Variants in NELL2 observed in about 807,000 individuals in gnomAD.
The protein encoded by NELL2 is neural EGFL like 2, also known as protein kinase C-binding protein NELL2.
In NELL2, 41 loss-of-function variants were observed where a neutral mutation model predicts 109.6. That is an observed-to-expected ratio of 0.37 (90% confidence interval 0.29 to 0.49). The LOEUF (loss-of-function observed/expected upper bound fraction) is 0.49, where lower values mean the gene tolerates loss of function less well. Ranked by LOEUF, NELL2 falls within the 20% of genes least tolerant of loss-of-function variation. The probability of loss-of-function intolerance (pLI) is 0.98; values close to 1 mark genes in which losing one functional copy is unlikely to be tolerated. For synonymous variants in NELL2, 355 were observed against 344.7 expected, an observed-to-expected ratio of 1.03 and a Z score of -0.33; for missense variants, 900 against 1,008.3, an observed-to-expected ratio of 0.89 and a Z score of 1.45.
chr12:44,625,660 G>A (rs975078265), intron 13 of NELL2, among the ~76,000 whole-genome samples: 2 of 151,996 alleles, frequency 1.3e-5, no homozygotes, highest in African/African-American at 4.8e-5. Flanking sequence ...GTTCTAAGAA[G>A]CTCCTGACCT....
At chr12:44,754,064 T>C (rs527642076) in intron 9 of NELL2, among the ~76,000 whole-genome samples, 2 of 152,318 alleles carry the variant, frequency 1.3e-5, no homozygotes, top group South Asian at 2.1e-4. Context: ...ATTAAAATGG[T>C]ATCAAGTGAA....
In NELL2 at chr12:44,665,607, T is replaced by C. The variant is rs531885486; in HGVS notation, c.1321A>G (p.Ile441Val). The change falls in exon 13 of 20, where the codon ATC becomes GTC. Residue 441 changes from isoleucine to valine, a missense_variant and splice_region_variant. By Grantham distance (29) the Ile-to-Val change is conservative (BLOSUM62 3). Coordinates refer to ENST00000429094, the MANE Select transcript of NELL2 (RefSeq NM_001145108.2). ...TGGCGCCCTTCAGCACACTCATCGATGTCTGTGAAGAAAAACAGGACAAAG... is the reference window on the plus strand; with the variant it reads ...TGGCGCCCTTCAGCACACTCATCGACGTCTGTGAAGAAAAACAGGACAAAG... ...LREDNAYCED[I>V]DECAEGRHYC... 9 of 1,611,992 alleles carry C rather than the reference T, an allele frequency of 5.6e-6. No individual in the cohort carries two copies. Among genetic ancestry groups the C allele is most frequent in the East Asian group, 4.5e-5 (2 of 44,850 alleles).
chr12:44,680,416 T>G (rs1948458233), intron 12 of NELL2, among the ~76,000 whole-genome samples: 1 of 152,188 alleles, frequency 6.6e-6, no homozygotes, highest in African/African-American at 2.4e-5. Flanking sequence ...TATGAACAAT[T>G]TTTTAAAAAT....
chr12:44,861,917 T>C (rs940802305), intron 2 of NELL2, among the ~76,000 whole-genome samples: 7 of 152,236 alleles, frequency 4.6e-5, no homozygotes, highest in African/African-American at 1.7e-4. Flanking sequence ...AATAAGTCCC[T>C]ACTCCTTCAA....
At chr12:44,596,338 C>T (rs181195950) in intron 15 of NELL2, among the ~76,000 whole-genome samples, 163 of 152,154 alleles carry the variant, frequency 1.1e-3, no homozygotes, top group Non-Finnish European at 2.0e-3. Context: ...ACAGAAAGAG[C>T]GTGGAAAATT....
At chr12:44,598,854 T>TACACAC (rs754118280) in intron 15 of NELL2, among the ~76,000 whole-genome samples, 4,418 of 118,220 alleles carry the variant, frequency 0.037, 102 homozygotes, top group African/African-American at 0.061. Context: ...AAGAAAGAAA[T>TACACAC]ACACACACAC....
At chr12:44,844,003 C>G (rs1010738890) in intron 2 of NELL2, among the ~76,000 whole-genome samples, 1 of 152,098 alleles carries the variant, frequency 6.6e-6, no homozygotes, top group Non-Finnish European at 1.5e-5. Context: ...GCCTGGGTGA[C>G]AGAGTGAGAC....
chr12:44,771,087 G>C (rs1941528777), intron 9 of NELL2, among the ~76,000 whole-genome samples: 2 of 151,822 alleles, frequency 1.3e-5, no homozygotes, highest in South Asian at 4.2e-4. Flanking sequence ...TCAGAGTTAA[G>C]GTCACCTAAA....
intron 13 of NELL2, among the ~76,000 whole-genome samples, chr12:44,635,696 A>G (rs1946613229): frequency 6.6e-6 from 1 of 152,198 alleles, no homozygotes; most frequent in Admixed American, 6.5e-5. Flanking sequence ...GACTTGTAGC[A>G]TAGTTTGAAG....
intron 19 of NELL2, among the ~76,000 whole-genome samples, chr12:44,512,887 T>C (rs1941063525): frequency 1.3e-5 from 2 of 152,076 alleles, no homozygotes; most frequent in East Asian, 1.9e-4. Flanking sequence ...GAATAAGTTC[T>C]AGTGTTCTAT....
chr12:44,670,100 A>C (rs1004677608), intron 12 of NELL2, among the ~76,000 whole-genome samples: 2 of 152,186 alleles, frequency 1.3e-5, no homozygotes, highest in Non-Finnish European at 1.5e-5. Flanking sequence ...CTGAAAGAGA[A>C]AAACAACAAC....
intron 15 of NELL2, among the ~76,000 whole-genome samples, chr12:44,605,497 A>G (rs1311340485): frequency 2.0e-5 from 3 of 152,186 alleles, no homozygotes; most frequent in Non-Finnish European, 4.4e-5. Context: ...AGGTTCAAGT[A>G]TAATGAAATA....
chr12:44,550,498 TA>T (rs1942996874), intron 15 of NELL2, among the ~76,000 whole-genome samples: 1 of 150,110 alleles, frequency 6.7e-6, no homozygotes, highest in Non-Finnish European at 1.5e-5. Context: ...GAGCTGAGAC[TA>T]TGCCATTGCA....
At chr12:44,587,284 A>AAAAAAAAAAAAAATATATATATATATAT in intron 15 of NELL2, among the ~76,000 whole-genome samples, 7 of 72,212 alleles carry the variant, frequency 9.7e-5, no homozygotes, top group South Asian at 6.9e-4. Context: ...AAAAAAAAAA[A>AAAAAAAAAAAAAATATATATATATATAT]ATATATATAT....
chr12:44,517,245 T>C (rs1328034956), intron 19 of NELL2, among the ~76,000 whole-genome samples: 6 of 152,166 alleles, frequency 3.9e-5, no homozygotes, highest in African/African-American at 1.2e-4. Flanking sequence ...TATAGGTATT[T>C]TTTCCTTAGA....
chr12:44,559,956 T>A (rs982366671), intron 15 of NELL2, among the ~76,000 whole-genome samples: 3 of 151,710 alleles, frequency 2.0e-5, no homozygotes, highest in Non-Finnish European at 4.4e-5. Flanking sequence ...ATGCAAAAAA[T>A]TGGAAATAAT....
At position 44,777,144 on chromosome 12, in the gene NELL2, A is replaced by G. The variant is rs377242112; in HGVS notation, c.680-20T>C. The G allele has an allele frequency of 4.3e-6, 7 of 1,613,584 alleles. No homozygotes were observed. Among genetic ancestry groups the G allele is most frequent in the Non-Finnish European group, 5.9e-6 (7 of 1,179,544 alleles). On this transcript the variant is annotated intron_variant, in intron 6 of 19. Transcript: ENST00000429094. ...GACAGGCTGGAATTACAAACACTAC[A>G]TTTGGTCAAGATGCATTTATAAGGG...
At chr12:44,588,971 C>A (rs1468699437) in intron 15 of NELL2, among the ~76,000 whole-genome samples, 1 of 152,072 alleles carries the variant, frequency 6.6e-6, no homozygotes, top group South Asian at 2.1e-4. Context: ...TAGTATGTGC[C>A]AGGCACTGGC....
At chr12:44,836,557 A>T (rs1348483804) in intron 2 of NELL2, among the ~76,000 whole-genome samples, 1 of 152,230 alleles carries the variant, frequency 6.6e-6, no homozygotes, top group Non-Finnish European at 1.5e-5. Context: ...GAATAAAGGG[A>T]GGAGGCTACA....
Sources: gnomAD v4.1 joint callset for allele counts (sites outside exome capture counted in the v4.1 genomes callset) on GRCh38, gnomAD v4.1.1 for gene constraint, MANE v1.5 for transcripts, NCBI Gene and HGNC (gene_info 2026-07-23, HGNC 2026-07-21) for gene names.